The following SNX29 variants were observed in gnomAD, a reference collection of about 807,000 sequenced individuals.
The protein encoded by SNX29 is sorting nexin 29.
Under a neutral mutation model 102.1 loss-of-function variants are expected in SNX29, and 78 were observed. The ratio of observed to expected loss-of-function variants is 0.76; its 90% CI spans 0.64 to 0.92. The LOEUF (loss-of-function observed/expected upper bound fraction) is 0.92, where lower values mean the gene tolerates loss of function less well. Among genes scored for constraint, SNX29 ranks in the 40% least tolerant of loss-of-function variants. The probability of loss-of-function intolerance (pLI) is 0.00; values close to 1 mark genes in which losing one functional copy is unlikely to be tolerated. For synonymous variants in SNX29, 580 were observed against 414.5 expected (o/e 1.40, Z -4.85); for missense variants, 1,280 against 1,061.7 (o/e 1.21, Z -2.86).
At chr16:12,507,849 C>T (rs1484380503) in intron 19 of SNX29, among the ~76,000 whole-genome samples, 1 of 152,192 alleles carries the variant, frequency 6.6e-6, no homozygotes, top group East Asian at 1.9e-4. Flanking sequence ...CTGTGCTCTG[C>T]TGTCTCCTTT....
intron 18 of SNX29, among the ~76,000 whole-genome samples, chr16:12,407,298 G>T (rs529316824): frequency 1.3e-5 from 2 of 151,614 alleles, no homozygotes; most frequent in Non-Finnish European, 2.9e-5. Flanking sequence ...ATTGCCTTTG[G>T]CAGGTGACAA....
At chr16:12,286,567 G>A (rs1021623492) in intron 15 of SNX29, among the ~76,000 whole-genome samples, 10 of 151,376 alleles carry the variant, frequency 6.6e-5, no homozygotes, top group African/African-American at 1.5e-4. Flanking sequence ...GGATGGTCTC[G>A]ATCTCCTCAC....
chr16:12,179,968 T>C (rs772419550), intron 13 of SNX29, among the ~76,000 whole-genome samples: 4 of 152,222 alleles, frequency 2.6e-5, no homozygotes, highest in Admixed American at 2.0e-4. Context: ...CCGTCAGTAT[T>C]TTCAGGTACA....
At chr16:12,408,164 A>G (rs1454328144) in intron 18 of SNX29, among the ~76,000 whole-genome samples, 1 of 149,956 alleles carries the variant, frequency 6.7e-6, no homozygotes, top group African/African-American at 2.5e-5. Flanking sequence ...TCTCAAAAAA[A>G]CAAACAAACA....
Position 11,994,145 on chromosome 16 carries a change from A to G in SNX29, c.8-5152A>G, listed in dbSNP as rs533233024. 3.4e-3 allele frequency among the ~76,000 whole-genome samples: 524 copies of G among 152,258 alleles called. 5 individuals carry two copies. Among genetic ancestry groups the G allele is most frequent in the Non-Finnish European group, 5.0e-3 (342 of 68,016 alleles). On this transcript the variant is annotated intron_variant, in intron 1 of 20. Coordinates refer to ENST00000566228, the MANE Select transcript of SNX29 (RefSeq NM_032167.5). Reference sequence around the variant, plus strand: ...TACAAACAAACAACAACAACAAAACATTAAAGAGAGACCCAACTAGGTGAC... The same window carrying G: ...TACAAACAAACAACAACAACAAAACGTTAAAGAGAGACCCAACTAGGTGAC...
intron 14 of SNX29, among the ~76,000 whole-genome samples, chr16:12,227,947 A>AC (rs998960716): frequency 2.1e-5 from 3 of 140,438 alleles, no homozygotes; most frequent in African/African-American, 5.1e-5. Flanking sequence ...AGGTCTCTGG[A>AC]CCAGCAGTAG....
chr16:11,987,063 GT>G (rs1054227299), intron 1 of SNX29, among the ~76,000 whole-genome samples: 8 of 152,024 alleles, frequency 5.3e-5, no homozygotes, highest in African/African-American at 1.9e-4. Flanking sequence ...GCAGTTTTTT[GT>G]TTTCTGTCTT....
chr16:12,421,138 T>G (rs867537040), intron 18 of SNX29, among the ~76,000 whole-genome samples: 1 of 152,202 alleles, frequency 6.6e-6, no homozygotes, highest in Admixed American at 6.5e-5. Context: ...ATAATAGAGC[T>G]GGGCTTTGCA....
rs1251917183 is a variant in SNX29, at chr16:12,257,491, T to C, written c.1679-20442T>C. The stretch of plus-strand genomic sequence containing the variant: ...GGGCATCTTTGGGGGCCATTCTGCC[T>C]ACCACTAGCATCTCTCTCTCTCTCT... On this transcript the variant is annotated intron_variant, in intron 14 of 20. Transcript: ENST00000566228. Among the ~76,000 whole-genome samples the C allele has an allele frequency of 2.2e-5, 3 of 134,078 alleles. No homozygotes were observed. In the East Asian group the frequency reaches 6.2e-4, roughly 28 times the overall value. The allele number at this position is 134,078 out of a possible 152,430, so 88.0% of individuals were successfully genotyped here.
At chr16:12,554,438 G>A (rs893517524) in intron 20 of SNX29, among the ~76,000 whole-genome samples, 24 of 152,202 alleles carry the variant, frequency 1.6e-4, no homozygotes, top group African/African-American at 5.3e-4. Flanking sequence ...TGCTGTTTCC[G>A]CACACCTGCC....
chr16:12,530,801 C>A (rs913460062), intron 20 of SNX29, among the ~76,000 whole-genome samples: 7 of 152,200 alleles, frequency 4.6e-5, no homozygotes, highest in African/African-American at 1.7e-4. Context: ...AGTGATCCAC[C>A]CGCCTTGGCC....
chr16:12,443,631 A>G (rs1288298226), intron 18 of SNX29, among the ~76,000 whole-genome samples: 1 of 152,148 alleles, frequency 6.6e-6, no homozygotes, highest in Non-Finnish European at 1.5e-5. Flanking sequence ...TTGTGTTTTC[A>G]TTAGAGACAG....
At chr16:12,565,850 G>A (rs569862522) in intron 20 of SNX29, among the ~76,000 whole-genome samples, 13 of 152,152 alleles carry the variant, frequency 8.5e-5, no homozygotes, top group Non-Finnish European at 7.4e-5. Flanking sequence ...GCCTCCTCCG[G>A]GAAGCCCTCT....
chr16:12,350,126 G>A (rs1002118861), intron 15 of SNX29, among the ~76,000 whole-genome samples: 1 of 152,218 alleles, frequency 6.6e-6, no homozygotes, highest in Non-Finnish European at 1.5e-5. Flanking sequence ...CTTGCCGTGT[G>A]TGTGTGGCAC....
chr16:12,146,020 C>T (rs1009508051), intron 13 of SNX29, among the ~76,000 whole-genome samples: 4 of 152,200 alleles, frequency 2.6e-5, no homozygotes, highest in Non-Finnish European at 4.4e-5. Context: ...TCCAAGAAAG[C>T]GGCCTCTCTT....
intron 20 of SNX29, among the ~76,000 whole-genome samples, chr16:12,562,318 A>G (rs750154900): frequency 2.6e-5 from 4 of 152,180 alleles, no homozygotes; most frequent in Non-Finnish European, 4.4e-5. Context: ...CTTTGTCCCA[A>G]GAACCTGCAG....
At chr16:12,302,730 G>T (rs545093427) in intron 15 of SNX29, among the ~76,000 whole-genome samples, 64 of 152,322 alleles carry the variant, frequency 4.2e-4, no homozygotes, top group Non-Finnish European at 8.4e-4. Context: ...AGTTTCTCCT[G>T]TTCTTTCACT....
intron 16 of SNX29, among the ~76,000 whole-genome samples, chr16:12,376,423 T>C (rs60161095): frequency 0.086 from 13,108 of 152,162 alleles, 1,166 homozygotes; most frequent in African/African-American, 0.22. Context: ...GTAGGAATGA[T>C]TGATTGGTCG....
At chr16:12,315,787 T>C (rs1180547093) in intron 15 of SNX29, among the ~76,000 whole-genome samples, 1 of 152,184 alleles carries the variant, frequency 6.6e-6, no homozygotes, top group African/African-American at 2.4e-5. Flanking sequence ...ATAAAACTTA[T>C]TTACAAAAAT....
Sources: allele counts gnomAD v4.1 joint callset (sites outside exome capture counted in the v4.1 genomes callset), GRCh38; gene constraint gnomAD v4.1.1; transcripts MANE v1.5; gene names NCBI Gene and HGNC (gene_info 2026-07-23, HGNC 2026-07-21).